Variants in KIF9 observed in about 807,000 individuals in gnomAD.
The protein encoded by KIF9 is kinesin-like protein KIF9.
KIF9 carries 68 observed loss-of-function variants against 94.8 expected under a neutral mutation model. The ratio of observed to expected loss-of-function variants is 0.72; its 90% confidence interval spans 0.59 to 0.88. KIF9 has a LOEUF of 0.88. KIF9 is among the 40% of genes least tolerant of loss of function. The pLI, the probability that KIF9 is intolerant of heterozygous loss-of-function variation, is 0.00. For missense variants in KIF9, 882 were observed against 982.5 expected (o/e 0.90, Z 1.37); for synonymous variants, 343 against 362.1 (o/e 0.95, Z 0.60).
At chr3:47,229,148 G>A (rs556004374) in intron 20 of KIF9, among the ~76,000 whole-genome samples, 18 of 152,324 alleles carry the variant, frequency 1.2e-4, no homozygotes, top group African/African-American at 4.1e-4. Context: ...GGTGAAAACT[G>A]TAGGCTGAAA....
At chr3:47,279,506 A>T (rs910175167) in intron 1 of KIF9, among the ~76,000 whole-genome samples, 1 of 152,074 alleles carries the variant, frequency 6.6e-6, no homozygotes, top group Admixed American at 6.6e-5. Flanking sequence ...AAATCTAAGT[A>T]ACTTTTAAGA....
rs1701316754 is a variant in KIF9 at position 47,266,846 on chromosome 3, T to C, written c.768+130A>G. On this transcript the variant is annotated intron_variant, in intron 7 of 20. Transcript: ENST00000684063. ...ATCCTGTCCCTCCAGCAAGCCCACATGTCCCACTTCGCCTAGCTCAGGACT... is the reference window on the plus strand; with the variant it reads ...ATCCTGTCCCTCCAGCAAGCCCACACGTCCCACTTCGCCTAGCTCAGGACT... 3 of 738,102 alleles carry C rather than the reference T, an allele frequency of 4.1e-6. No individual in the cohort carries two copies. The Admixed American group carries it at 6.8e-5, about 17-fold the overall frequency. The allele number at this position is 738,102 out of a possible 1,614,324, so 45.7% of individuals were successfully genotyped here. A position where few individuals can be genotyped will look rare whatever the true frequency, so the allele number is the denominator to read the frequency against.
At chr3:47,229,038 AG>A (rs1181674853) in intron 20 of KIF9, among the ~76,000 whole-genome samples, 4 of 152,238 alleles carry the variant, frequency 2.6e-5, no homozygotes, top group African/African-American at 9.6e-5. Flanking sequence ...CAGAGGAGTT[AG>A]GGGCCAGGTA....
At chr3:47,246,557 T>G (rs949619730) in intron 12 of KIF9, 175 of 176,736 alleles carry the variant, frequency 9.9e-4, no homozygotes, top group Non-Finnish European at 1.6e-3. Context: ...AAAGGTTTTT[T>G]TTTTTTTTTT....
At chr3:47,244,676 T>C (rs1333639968) in intron 15 of KIF9, 115 bp downstream of exon 15, 39 of 1,336,772 alleles carry the variant, frequency 2.9e-5, no homozygotes, top group Non-Finnish European at 3.8e-5. Context: ...GTGACGTCCA[T>C]TGTGCCAACC....
At chr3:47,277,149 A>G in intron 2 of KIF9, 133 bp downstream of exon 2, 2 of 483,812 alleles carry the variant, frequency 4.1e-6, no homozygotes, top group Non-Finnish European at 7.4e-6. Flanking sequence ...TTTGGATTTG[A>G]TGGGCTCTAG....
At chr3:47,235,475 G>A (rs1371468145) in intron 20 of KIF9, 38 bp downstream of exon 20, 2 of 1,401,550 alleles carry the variant, frequency 1.4e-6, no homozygotes, top group Admixed American at 3.4e-5. Flanking sequence ...TAGTCACTGA[G>A]GCCCCCATCC....
intron 15 of KIF9, chr3:47,244,175 G>A (rs1376437099): frequency 6.6e-6 from 1 of 152,650 alleles, no homozygotes; most frequent in Non-Finnish European, 1.5e-5. Context: ...CGGTTCTCAT[G>A]TCTCACATGG....
At chr3:47,244,521 C>A in intron 15 of KIF9, 1 of 394,140 alleles carries the variant, frequency 2.5e-6, no homozygotes, top group Non-Finnish European at 4.7e-6. Context: ...AGTGACTTCC[C>A]CTCTCTAAGC....
chr3:47,249,038 C>T (rs1260115144), intron 10 of KIF9, among the ~76,000 whole-genome samples: 2 of 149,186 alleles, frequency 1.3e-5, no homozygotes, highest in Non-Finnish European at 3.0e-5. Flanking sequence ...GCCTGGCCTC[C>T]AGGATGCTTT....
intron 1 of KIF9, among the ~76,000 whole-genome samples, chr3:47,277,774 C>T (rs1181446885): frequency 6.6e-6 from 1 of 152,144 alleles, no homozygotes; most frequent in African/African-American, 2.4e-5. Context: ...CTATGAAATA[C>T]ATTAAAACTA....
intron 5 of KIF9, among the ~76,000 whole-genome samples, chr3:47,270,465 G>A (rs1402881315): frequency 7.0e-6 from 1 of 142,494 alleles, no homozygotes; most frequent in Non-Finnish European, 1.5e-5. Context: ...ATGTTGGCCA[G>A]GCTGGTCTCA....
rs376915369 is a variant in KIF9 at position 47,275,531 on chromosome 3, C to A, written c.94-41G>T. 379 of 1,492,346 alleles carry A rather than the reference C, an allele frequency of 2.5e-4. 1 individual carries two copies. The highest frequency in any genetic ancestry group is 1.3e-4 in the Admixed American group (7 of 54,064). 92.4% of individuals were successfully genotyped at this position (1,492,346 alleles called of 1,614,324 possible). On this transcript the variant is annotated intron_variant, in intron 2 of 20. Transcript: ENST00000684063. The stretch of plus-strand genomic sequence containing the variant: ...GAGAAAGAAAAAAATGTTATTTGTT[C>A]AAAAATGGGTATAAAAAAAATCACT...
intron 9 of KIF9, among the ~76,000 whole-genome samples, chr3:47,259,128 A>G (rs1468007439): frequency 1.3e-5 from 2 of 152,130 alleles, no homozygotes; most frequent in Non-Finnish European, 2.9e-5. Context: ...CTGCATTTGG[A>G]GGCAGGGGCC....
At position 47,241,824 on chromosome 3, in the gene KIF9, TAC is replaced by T. The variant is rs1164007665; in HGVS notation, c.1710-811_1710-810del. Among the ~76,000 whole-genome samples the T allele has an allele frequency of 3.0e-4, 43 of 143,968 alleles. No individual in the cohort carries two copies. The East Asian group carries it at 3.5e-3, about 12-fold the overall frequency. The allele number at this position is 143,968 out of a possible 152,430, so 94.4% of individuals were successfully genotyped here. A position where few individuals can be genotyped will look rare whatever the true frequency, so the allele number is the denominator to read the frequency against. On this transcript the variant is annotated intron_variant, in intron 16 of 20. Coordinates refer to ENST00000684063, the MANE Select transcript of KIF9 (RefSeq NM_182902.4). ...GTATATATGTATATATGTATATATA[TAC>T]ACACACACATATATAAAATATATAT...
At chr3:47,254,802 T>C (rs957747165) in intron 10 of KIF9, among the ~76,000 whole-genome samples, 2 of 150,942 alleles carry the variant, frequency 1.3e-5, no homozygotes, top group Admixed American at 1.3e-4. Context: ...TTATTAGAAA[T>C]GGGATAGAAG....
In KIF9 at chr3:47,265,848, G is replaced by A; in HGVS notation, c.798C>T (p.Thr266=). ...GGAATGAGAGCGATTTGTTGATGTA[G>A]GTGGCTTCCTTCAGGACTTGGCCCT... is the stretch of plus-strand genomic sequence containing the variant. ...GSEGQVLKEA[T]YINKSLSFLE... Residue 266 remains threonine (T), a synonymous_variant, in exon 8 of 21, where the codon ACC becomes ACT. Transcript: ENST00000684063. 1 of 1,614,174 alleles carries A rather than the reference G, an allele frequency of 6.2e-7. No individual in the cohort carries two copies. Among genetic ancestry groups the A allele is most frequent in the Middle Eastern group, 1.6e-4 (1 of 6,062 alleles).
chr3:47,246,095 T>A (rs904941298), intron 13 of KIF9, 102 bp downstream of exon 13: 2 of 961,088 alleles, frequency 2.1e-6, no homozygotes, highest in Non-Finnish European at 3.1e-6. Context: ...TGGCTCTTCA[T>A]CCACAAGCAA....
At chr3:47,248,464 C>G (rs1575986033) in intron 10 of KIF9, among the ~76,000 whole-genome samples, 1 of 151,664 alleles carries the variant, frequency 6.6e-6, no homozygotes, top group East Asian at 1.9e-4. Context: ...TTTTTTGAGA[C>G]AGAGTTTTGC....
Sources: gnomAD v4.1 joint callset for allele counts (sites outside exome capture counted in the v4.1 genomes callset) on GRCh38, gnomAD v4.1.1 for gene constraint, MANE v1.5 for transcripts, NCBI Gene and HGNC (gene_info 2026-07-23, HGNC 2026-07-21) for gene names.